HMGCLL1: variants seen among roughly 807,000 people sequenced by gnomAD.
HMGCLL1 encodes the protein 3-hydroxymethyl-3-methylglutaryl-CoA lyase, cytoplasmic.
In HMGCLL1, 36 loss-of-function variants were observed where a neutral mutation model predicts 39.1. The ratio of observed to expected loss-of-function variants is 0.92; its 90% CI spans 0.71 to 1.22. The LOEUF is 1.22. HMGCLL1 is among the 50% of genes most tolerant of loss of function. The probability of loss-of-function intolerance (pLI) is 0.00; values close to 1 mark genes in which losing one functional copy is unlikely to be tolerated. For synonymous variants in HMGCLL1, 149 were observed against 144.0 expected (o/e 1.03, Z -0.25); for missense variants, 451 against 416.5 (o/e 1.08, Z -0.72).
chr6:55,634,872 G>A, the HMGCLL1 span, among the ~76,000 whole-genome samples: 6 of 152,100 alleles, frequency 3.9e-5, no homozygotes, highest in South Asian at 8.3e-4. Context: ...ATGGAAAATC[G>A]TACTCTATAA....
chr6:55,506,855 T>C (rs562784982), intron 5 of HMGCLL1, among the ~76,000 whole-genome samples: 3 of 151,806 alleles, frequency 2.0e-5, no homozygotes, highest in African/African-American at 4.8e-5. Context: ...AAAAAAATAT[T>C]GTATGATGAA....
chr6:55,665,332 C>T, the HMGCLL1 span, among the ~76,000 whole-genome samples: 1 of 151,574 alleles, frequency 6.6e-6, no homozygotes, highest in Non-Finnish European at 1.5e-5. Flanking sequence ...ATGATTTTAT[C>T]CCAAATAAGG....
chr6:55,588,828 C>T, the HMGCLL1 span, among the ~76,000 whole-genome samples: 553 of 152,226 alleles, frequency 3.6e-3, 19 homozygotes, highest in East Asian at 0.083. Flanking sequence ...AATTCTTCAA[C>T]ACATACACCC....
At chr6:55,500,286 G>A (rs1252959530) in intron 5 of HMGCLL1, among the ~76,000 whole-genome samples, 1 of 151,952 alleles carries the variant, frequency 6.6e-6, no homozygotes, top group East Asian at 1.9e-4. Context: ...GTAAGGTAGT[G>A]GCAAGATCAG....
the HMGCLL1 span, among the ~76,000 whole-genome samples, chr6:55,613,362 CA>C: frequency 6.6e-6 from 1 of 152,066 alleles, no homozygotes; most frequent in African/African-American, 2.4e-5. Flanking sequence ...TAAATTAGTT[CA>C]ACCATTGTGG....
intron 3 of HMGCLL1, among the ~76,000 whole-genome samples, chr6:55,535,986 G>C (rs546116514): frequency 3.3e-5 from 5 of 152,048 alleles, no homozygotes; most frequent in Admixed American, 6.6e-5. Flanking sequence ...GACTGGACTT[G>C]GTAGCAGAAG....
At chr6:55,562,143 T>C (rs1301535171) in intron 1 of HMGCLL1, among the ~76,000 whole-genome samples, 1 of 152,156 alleles carries the variant, frequency 6.6e-6, no homozygotes, top group South Asian at 2.1e-4. Flanking sequence ...TTTCCTGAGA[T>C]TGTAGGATGA....
chr6:55,576,151 A>G (rs1266946382), intron 1 of HMGCLL1, among the ~76,000 whole-genome samples: 1 of 152,232 alleles, frequency 6.6e-6, no homozygotes, highest in Non-Finnish European at 1.5e-5. Flanking sequence ...TATTATCTAC[A>G]ATAGGTTACT....
At chr6:55,575,077 C>T (rs1459768388) in intron 1 of HMGCLL1, among the ~76,000 whole-genome samples, 1 of 151,946 alleles carries the variant, frequency 6.6e-6, no homozygotes, top group Non-Finnish European at 1.5e-5. Context: ...AAAGGGGGAT[C>T]GCTTCACTAG....
intron 7 of HMGCLL1, among the ~76,000 whole-genome samples, chr6:55,452,627 A>G (rs1055639810): frequency 1.3e-5 from 2 of 152,198 alleles, no homozygotes; most frequent in Non-Finnish European, 2.9e-5. Flanking sequence ...ATATAATGTT[A>G]CATGTTTGGC....
chr6:55,675,967 C>G, the HMGCLL1 span, among the ~76,000 whole-genome samples: 1 of 152,122 alleles, frequency 6.6e-6, no homozygotes, highest in Non-Finnish European at 1.5e-5. Flanking sequence ...TATCAAAGCT[C>G]TGAGCTGCAA....
At chr6:55,462,952 A>C (rs538813129) in intron 7 of HMGCLL1, among the ~76,000 whole-genome samples, 1 of 152,096 alleles carries the variant, frequency 6.6e-6, no homozygotes, top group Non-Finnish European at 1.5e-5. Context: ...CAGAACTGGA[A>C]CAATATGTAG....
At chr6:55,524,704 C>T (rs1276179205) in intron 3 of HMGCLL1, among the ~76,000 whole-genome samples, 1 of 151,916 alleles carries the variant, frequency 6.6e-6, no homozygotes, top group African/African-American at 2.4e-5. Flanking sequence ...CTGGCTCAAA[C>T]TTTGCATTTT....
chr6:55,437,984 G>A (rs1763437423), intron 8 of HMGCLL1, among the ~76,000 whole-genome samples: 1 of 152,016 alleles, frequency 6.6e-6, no homozygotes, highest in Non-Finnish European at 1.5e-5. Context: ...GTGACTAGTT[G>A]AATTGTGGCA....
chr6:55,518,211 G>A (rs1767846400), intron 3 of HMGCLL1, among the ~76,000 whole-genome samples: 1 of 152,032 alleles, frequency 6.6e-6, no homozygotes, highest in South Asian at 2.1e-4. Context: ...TAGTAGTATA[G>A]TTGGGGAGAC....
the HMGCLL1 span, among the ~76,000 whole-genome samples, chr6:55,607,091 C>T: frequency 6.6e-6 from 1 of 152,134 alleles, no homozygotes; most frequent in Non-Finnish European, 1.5e-5. Context: ...GCTTGTCTCT[C>T]TGATATACTA....
At chr6:55,502,291 C>T (rs1766929715) in intron 5 of HMGCLL1, among the ~76,000 whole-genome samples, 1 of 151,584 alleles carries the variant, frequency 6.6e-6, no homozygotes, top group Non-Finnish European at 1.5e-5. Flanking sequence ...CTATTTTTTT[C>T]TCTACTGTTC....
intron 7 of HMGCLL1, among the ~76,000 whole-genome samples, chr6:55,462,981 AG>A (rs1461421393): frequency 2.0e-5 from 3 of 151,200 alleles, no homozygotes; most frequent in Admixed American, 2.0e-4. Flanking sequence ...CTCACAAAGG[AG>A]TTATGCTGGG....
At chr6:55,543,420 GATATATATCATATATCATATATGAT>G (rs1372562633) in intron 1 of HMGCLL1, among the ~76,000 whole-genome samples, 2 of 69,300 alleles carry the variant, frequency 2.9e-5, no homozygotes, top group East Asian at 4.9e-4. Flanking sequence ...AATCATATAT[GATATATATCATATATCATATATGAT>G]ATATATGATA....
Sources: gnomAD v4.1 joint callset for allele counts (sites outside exome capture counted in the v4.1 genomes callset) on GRCh38, gnomAD v4.1.1 for gene constraint, MANE v1.5 for transcripts, NCBI Gene and HGNC (gene_info 2026-07-23, HGNC 2026-07-21) for gene names.